The following TVP23C variants were observed in gnomAD, a reference collection of about 807,000 sequenced individuals.
TVP23C encodes Golgi apparatus membrane protein TVP23 homolog C.
Under a neutral mutation model 28.7 loss-of-function variants are expected in TVP23C, and 19 were observed. The ratio of observed to expected loss-of-function variants is 0.66; its 90% CI spans 0.46 to 0.97. The LOEUF (loss-of-function observed/expected upper bound fraction) is 0.97. Ranked by LOEUF, TVP23C falls within the 50% of genes least tolerant of loss-of-function variation. The probability of loss-of-function intolerance (pLI) is 0.00; values close to 1 mark genes in which losing one functional copy is unlikely to be tolerated. For missense variants in TVP23C, 186 were observed against 241.3 expected (o/e 0.77, Z 1.52); for synonymous variants, 68 against 81.7 (o/e 0.83, Z 0.90).
rs150072764 is a variant in TVP23C at position 15,503,113 on chromosome 17, C to T, written c.582G>A (p.Ser194=). Residue 194 remains serine, a synonymous_variant, in exon 6 of 6, where the codon TCG becomes TCA. Coordinates refer to the TVP23C transcript ENST00000225576. Reference sequence around the variant, plus strand: ...TAATGTCTACCTGATGAAACTTCCTCGAGGGATGGCCCGGGCAGCGGCTCA... The same window carrying T: ...TAATGTCTACCTGATGAAACTTCCTTGAGGGATGGCCCGGGCAGCGGCTCA... 8.1e-6 allele frequency: 13 copies of T among 1,613,346 alleles called. No individual in the cohort carries two copies. The African/African-American group carries it at 1.2e-4, about 15-fold the overall frequency.
intron 3 of TVP23C, among the ~76,000 whole-genome samples, chr17:15,549,835 A>G (rs1983810637): frequency 6.6e-6 from 1 of 152,118 alleles, no homozygotes; most frequent in Non-Finnish European, 1.5e-5. Flanking sequence ...AACCAGAAGC[A>G]CAGACAGCAC....
intron 5 of TVP23C, among the ~76,000 whole-genome samples, chr17:15,522,112 A>G (rs1354726868): frequency 1.3e-5 from 2 of 152,230 alleles, no homozygotes; most frequent in Non-Finnish European, 2.9e-5. Flanking sequence ...GAAAGAAAGA[A>G]TTGTGAGCAA....
chr17:15,526,266 G>A (rs1982722778), intron 5 of TVP23C, among the ~76,000 whole-genome samples: 1 of 152,010 alleles, frequency 6.6e-6, no homozygotes, highest in African/African-American at 2.4e-5. Flanking sequence ...AATTTGATAT[G>A]CTCCATTGGC....
Position 15,542,532 on chromosome 17 carries a change from G to A in TVP23C, c.463-1971C>T, listed in dbSNP as rs564139338. Among the ~76,000 whole-genome samples, 29 of 151,932 alleles carry A rather than the reference G, an allele frequency of 1.9e-4. No individual in the cohort carries two copies. The South Asian group carries it at 2.1e-3, about 11-fold the overall frequency. The stretch of plus-strand genomic sequence containing the variant: ...CGCTCTGTCACTCAGGCTGGAGTGC[G>A]GTGGCACGATCTCAGCTCACTGCAA... On this transcript the variant is annotated intron_variant, in intron 5 of 5. Transcript: ENST00000518321.
In TVP23C at chr17:15,538,558, C is replaced by T; in HGVS notation, c.*1854G>A. 1 of 965,614 alleles carries T rather than the reference C, an allele frequency of 1.0e-6. No individual in the cohort carries two copies. The highest frequency in any genetic ancestry group is 1.2e-6 in the Non-Finnish European group (1 of 812,034). 59.8% of individuals were successfully genotyped at this position (965,614 alleles called of 1,614,324 possible). Reference sequence around the variant, plus strand: ...TGAGCCGAGATCGCGCCACTGCACTCCAGCCTGGGCAAACAGAGTGAGACT... The same window carrying T: ...TGAGCCGAGATCGCGCCACTGCACTTCAGCCTGGGCAAACAGAGTGAGACT... On this transcript the variant is annotated 3_prime_UTR_variant, in exon 6 of 6. Transcript: ENST00000518321.
intron 5 of TVP23C, among the ~76,000 whole-genome samples, chr17:15,522,725 AT>A (rs2150836431): frequency 6.6e-6 from 1 of 152,302 alleles, no homozygotes; most frequent in African/African-American, 2.4e-5. Context: ...GTTTGGCTAC[AT>A]TTTTAAAAAA....
chr17:15,542,469 T>A (rs562263973), intron 5 of TVP23C, among the ~76,000 whole-genome samples: 1 of 144,942 alleles, frequency 6.9e-6, no homozygotes, highest in African/African-American at 2.8e-5. Flanking sequence ...TATTTTTATT[T>A]ATTTATTTTT....
intron 5 of TVP23C, among the ~76,000 whole-genome samples, chr17:15,521,682 C>T (rs1482197161): frequency 6.6e-6 from 1 of 152,192 alleles, no homozygotes; most frequent in Non-Finnish European, 1.5e-5. Flanking sequence ...ACAGATATTT[C>T]AGTAATTGGT....
intron 5 of TVP23C, among the ~76,000 whole-genome samples, chr17:15,508,500 C>T (rs1012437316): frequency 2.0e-5 from 3 of 152,282 alleles, no homozygotes; most frequent in Non-Finnish European, 2.9e-5. Context: ...TCCCACCTGG[C>T]CAAGAGCACC....
rs189298790 is a variant in TVP23C at position 15,542,717 on chromosome 17, C to T, written c.463-2156G>A. Among the ~76,000 whole-genome samples the T allele has an allele frequency of 1.7e-3, 262 of 152,192 alleles. 5 individuals are homozygous for T. Among genetic ancestry groups the T allele is most frequent in the Admixed American group, 0.016 (245 of 15,286 alleles). ...GTCTCGATCTCCTGACCTCGTGATC[C>T]GCCCGCCTTGGCCCTCCCAAAGTGC... On this transcript the variant is annotated intron_variant, in intron 5 of 5. Coordinates refer to ENST00000518321, the MANE Select transcript of TVP23C (RefSeq NM_001135036.2).
At chr17:15,531,442 T>C (rs137946009) in intron 5 of TVP23C, among the ~76,000 whole-genome samples, 176 of 152,346 alleles carry the variant, frequency 1.2e-3, no homozygotes, top group African/African-American at 4.0e-3. Flanking sequence ...TGTTGGTAAC[T>C]TGATAAAATG....
chr17:15,517,661 C>G (rs1026698974), intron 5 of TVP23C, among the ~76,000 whole-genome samples: 2 of 152,168 alleles, frequency 1.3e-5, no homozygotes, highest in African/African-American at 4.8e-5. Flanking sequence ...TGACACATTA[C>G]CTAGGTTGTC....
At chr17:15,513,617 G>A (rs1982094790) in intron 5 of TVP23C, among the ~76,000 whole-genome samples, 1 of 152,178 alleles carries the variant, frequency 6.6e-6, no homozygotes, top group South Asian at 2.1e-4. Flanking sequence ...ACAGTTTGAG[G>A]ATTCTCTTTC....
At chr17:15,508,017 T>C (rs187683016) in intron 5 of TVP23C, among the ~76,000 whole-genome samples, 3 of 152,334 alleles carry the variant, frequency 2.0e-5, no homozygotes, top group East Asian at 1.9e-4. Context: ...GTAATGTTTA[T>C]TAAGTGTTAG....
At chr17:15,511,618 G>GT (rs763829412) in intron 5 of TVP23C, among the ~76,000 whole-genome samples, 26 of 152,014 alleles carry the variant, frequency 1.7e-4, no homozygotes, top group Non-Finnish European at 2.1e-4. Context: ...CATTTTCCCA[G>GT]TTTTTTTTGT....
intron 5 of TVP23C, among the ~76,000 whole-genome samples, chr17:15,523,363 T>G (rs1383569877): frequency 6.6e-6 from 1 of 151,240 alleles, no homozygotes; most frequent in Non-Finnish European, 1.5e-5. Context: ...CAGGCTGGAG[T>G]GCAGTGGCAC....
At chr17:15,517,910 T>C (rs895690324) in intron 5 of TVP23C, among the ~76,000 whole-genome samples, 1 of 152,142 alleles carries the variant, frequency 6.6e-6, no homozygotes, top group African/African-American at 2.4e-5. Context: ...CTCACACCTG[T>C]AATCCCAGTA....
chr17:15,507,398 T>C (rs1254074705), intron 5 of TVP23C: 1 of 614,654 alleles, frequency 1.6e-6, no homozygotes, highest in Non-Finnish European at 3.0e-6. Flanking sequence ...ATTCCTTCTG[T>C]AGCTCAGAGA....
At chr17:15,519,385 T>C (rs1982370631) in intron 5 of TVP23C, among the ~76,000 whole-genome samples, 1 of 151,856 alleles carries the variant, frequency 6.6e-6, no homozygotes, top group African/African-American at 2.4e-5. Context: ...GGCAGGAGGA[T>C]CATTTGAGCC....
Sources: allele counts gnomAD v4.1 joint callset (sites outside exome capture counted in the v4.1 genomes callset), GRCh38; gene constraint gnomAD v4.1.1; transcripts MANE v1.5; gene names NCBI Gene and HGNC (gene_info 2026-07-23, HGNC 2026-07-21).